FAAH2: variants seen among roughly 807,000 people sequenced by gnomAD.
FAAH2 encodes the protein fatty acid amide hydrolase 2.
FAAH2 carries 60 observed loss-of-function variants against 36.9 expected under a neutral mutation model. The ratio of observed to expected loss-of-function variants is 1.63; its 90% CI spans 1.32 to 2.02. FAAH2 has a LOEUF of 2.02. Among genes scored for constraint, FAAH2 ranks in the 30% most tolerant of loss-of-function variants. The pLI is 0.00. For missense variants in FAAH2, 689 were observed against 397.5 expected (o/e 1.73, Z -6.23); for synonymous variants, 214 against 143.8 (o/e 1.49, Z -3.49).
the FAAH2 span, among the ~76,000 whole-genome samples, chrX:57,139,592 C>T: frequency 9.0e-6 from 1 of 110,713 alleles, no homozygotes; most frequent in Non-Finnish European, 1.9e-5. Flanking sequence ...TAGCTGGAAC[C>T]ACAGGTGCCC....
At chrX:57,459,006 T>A (rs994520126) in intron 10 of FAAH2, among the ~76,000 whole-genome samples, 1 of 111,658 alleles carries the variant, frequency 9.0e-6, no homozygotes, top group Non-Finnish European at 1.9e-5. Flanking sequence ...GAAAGGGGGC[T>A]GAAGCCAGAG....
At chrX:57,137,460 A>C in the FAAH2 span, 1 of 519,859 alleles carries the variant, frequency 1.9e-6, no homozygotes, top group East Asian at 1.8e-4. Flanking sequence ...GGTGGCGGCC[A>C]CCCCTCAGCC....
the FAAH2 span, among the ~76,000 whole-genome samples, chrX:57,279,722 A>G: frequency 8.9e-6 from 1 of 112,192 alleles, no homozygotes; most frequent in Non-Finnish European, 1.9e-5. Flanking sequence ...CATCACATAA[A>G]CAGAACTAAA....
At chrX:57,205,578 A>T in the FAAH2 span, among the ~76,000 whole-genome samples, 1 of 112,325 alleles carries the variant, frequency 8.9e-6, no homozygotes, top group Admixed American at 9.4e-5. Flanking sequence ...CAATACCTCA[A>T]TTACAGGTAC....
At chrX:57,340,989 T>C in intron 4 of FAAH2, among the ~76,000 whole-genome samples, 1 of 111,075 alleles carries the variant, frequency 9.0e-6, no homozygotes, top group African/African-American at 3.3e-5. Flanking sequence ...CTCTTTTCTA[T>C]ATGAGAGAAT....
intron 4 of FAAH2, 88 bp from the exon 5 acceptor site, chrX:57,341,183 A>G: frequency 1.0e-6 from 1 of 992,339 alleles, no homozygotes; most frequent in Non-Finnish European, 1.3e-6. Context: ...AAGACACAAA[A>G]AGGTTGAAAG....
At chrX:57,185,096 CTT>C in the FAAH2 span, among the ~76,000 whole-genome samples, 1 of 111,300 alleles carries the variant, frequency 9.0e-6, no homozygotes. Context: ...CAATTATACT[CTT>C]TTAGTCATCT....
At chrX:57,287,819 C>T (rs933845258) in intron 1 of FAAH2, among the ~76,000 whole-genome samples, 2 of 111,263 alleles carry the variant, frequency 1.8e-5, no homozygotes, top group Non-Finnish European at 1.9e-5. Flanking sequence ...TTCGTCATTG[C>T]TTTATTTCCA....
chrX:57,276,291 A>G, the FAAH2 span, among the ~76,000 whole-genome samples: 1 of 112,207 alleles, frequency 8.9e-6, no homozygotes, highest in Non-Finnish European at 1.9e-5. Context: ...ACACAACTAC[A>G]TGGAAACTGA....
At chrX:57,383,095 A>C (rs890856831) in intron 7 of FAAH2, among the ~76,000 whole-genome samples, 2 of 111,885 alleles carry the variant, frequency 1.8e-5, no homozygotes, top group African/African-American at 6.5e-5. Context: ...ATCTCAATAG[A>C]TGCAGAAAAG....
the FAAH2 span, among the ~76,000 whole-genome samples, chrX:57,273,115 A>C: frequency 8.9e-6 from 1 of 112,035 alleles, no homozygotes; most frequent in African/African-American, 3.2e-5. Context: ...TTGCAGTCCT[A>C]ATCTCTGATA....
At chrX:57,380,247 C>T (rs2054807198) in intron 6 of FAAH2, among the ~76,000 whole-genome samples, 1 of 110,717 alleles carries the variant, frequency 9.0e-6, no homozygotes, top group South Asian at 3.8e-4. Context: ...TCTACTTACC[C>T]TCTCAGAATG....
At chrX:57,475,672 A>G (rs2057253953) in intron 10 of FAAH2, among the ~76,000 whole-genome samples, 1 of 111,688 alleles carries the variant, frequency 9.0e-6, no homozygotes, top group Non-Finnish European at 1.9e-5. Flanking sequence ...CCGTAGCTAA[A>G]TGGGCTCTTT....
chrX:57,367,389 G>A (rs2054445937), intron 5 of FAAH2, among the ~76,000 whole-genome samples: 1 of 112,119 alleles, frequency 8.9e-6, no homozygotes. Flanking sequence ...ACACTAAATT[G>A]CACTGCTAGT....
the FAAH2 span, among the ~76,000 whole-genome samples, chrX:57,166,101 A>G: frequency 9.1e-6 from 1 of 109,626 alleles, no homozygotes; most frequent in Non-Finnish European, 1.9e-5. Flanking sequence ...CAGCAATGGG[A>G]TGATGTGGAA....
intron 1 of FAAH2, 75 bp from the exon 2 acceptor site, chrX:57,292,423 G>A: frequency 1.1e-6 from 1 of 930,343 alleles, no homozygotes; most frequent in South Asian, 2.2e-5. Flanking sequence ...GTACATAGGA[G>A]TCTTTCAGGA....
chrX:57,229,205 C>T, the FAAH2 span: 1 of 112,245 alleles, frequency 8.9e-6, no homozygotes, highest in Non-Finnish European at 1.9e-5. Flanking sequence ...TGGACTATCG[C>T]TCATCTAAAT....
At chrX:57,131,328 A>G in the FAAH2 span, among the ~76,000 whole-genome samples, 4 of 104,880 alleles carry the variant, frequency 3.8e-5, no homozygotes, top group African/African-American at 1.4e-4. Context: ...CTCATGATCC[A>G]CCCGCCTCGG....
chrX:57,216,532 A>ATATG, the FAAH2 span, among the ~76,000 whole-genome samples: 1 of 67,923 alleles, frequency 1.5e-5, no homozygotes, highest in Non-Finnish European at 2.5e-5. Context: ...ATATGTATAT[A>ATATG]TATATATATA....
Sources: allele counts gnomAD v4.1 joint callset (sites outside exome capture counted in the v4.1 genomes callset), GRCh38; gene constraint gnomAD v4.1.1; transcripts MANE v1.5; gene names NCBI Gene and HGNC (gene_info 2026-07-23, HGNC 2026-07-21).